FBN3: variants seen among roughly 807,000 people sequenced by gnomAD.
FBN3 encodes fibrillin 3, also known as fibrillin-3.
Under a neutral mutation model 330.1 loss-of-function variants are expected in FBN3, and 234 were observed. The ratio of observed to expected loss-of-function variants is 0.71; its 90% confidence interval spans 0.64 to 0.79. FBN3 has a LOEUF of 0.79. FBN3 is among the 30% of genes least tolerant of loss of function. The pLI, the probability that FBN3 is intolerant of heterozygous loss-of-function variation, is 0.00. For synonymous variants in FBN3, 1,458 were observed against 1,517.3 expected, an observed-to-expected ratio of 0.96 and a Z score of 0.91; for missense variants, 3,606 against 3,886.9, an observed-to-expected ratio of 0.93 and a Z score of 1.92.
chr19:8,120,961 C>T (rs1441158413), intron 25 of FBN3, among the ~76,000 whole-genome samples: 3 of 152,126 alleles, frequency 2.0e-5, no homozygotes, highest in Non-Finnish European at 2.9e-5. Flanking sequence ...GCCTCATAAC[C>T]GGCAGTATTT....
At chr19:8,088,311 G>T (rs1212389142) in intron 51 of FBN3, 132 bp from the exon 52 acceptor site, 2 of 1,126,370 alleles carry the variant, frequency 1.8e-6, no homozygotes, top group Non-Finnish European at 2.5e-6. Flanking sequence ...CTGGCTATGG[G>T]GCAGGCAAGC....
intron 26 of FBN3, 31 bp from the exon 27 acceptor site, chr19:8,117,620 T>G (rs765415173): frequency 1.2e-5 from 18 of 1,503,272 alleles, no homozygotes; most frequent in East Asian, 2.5e-5. Flanking sequence ...AAGACGGGCC[T>G]GTGCCCCATC....
Position 8,123,953 on chromosome 19 carries a change from G to GGT in FBN3, c.2785_2786dup (p.Leu930ProfsTer59), listed in dbSNP as rs773691321. The GGT allele has an allele frequency of 1.2e-6, 2 of 1,614,102 alleles. No homozygotes were observed. The highest frequency in any genetic ancestry group is 1.7e-6 in the Non-Finnish European group (2 of 1,180,040). ...CGTCCATCCGGTACTTGCCAGGCAGGGTGACCCCACACTCATCCTCATCCC... is the reference window on the plus strand; with the variant it reads ...CGTCCATCCGGTACTTGCCAGGCAGGGTGTGACCCCACACTCATCCTCATCCC... On this transcript the variant is annotated frameshift_variant, in exon 23 of 64. Transcript: ENST00000600128. LOFTEE classifies it high-confidence loss of function.
At chr19:8,146,635 C>CAG (rs35157681) in intron 3 of FBN3, among the ~76,000 whole-genome samples, 2 of 150,974 alleles carry the variant, frequency 1.3e-5, no homozygotes, top group South Asian at 4.2e-4. Context: ...CTCAGAGAAA[C>CAG]AGAGAGAGAG....
At chr19:8,118,652 TACAG>T (rs1314064223) in intron 26 of FBN3, among the ~76,000 whole-genome samples, 18 of 152,116 alleles carry the variant, frequency 1.2e-4, no homozygotes, top group South Asian at 6.2e-4. Context: ...CTTGCCCTTG[TACAG>T]ACACTCACAC....
intron 13 of FBN3, 25 bp downstream of exon 13, chr19:8,135,936 G>GGGCGCCCCCCCCC: frequency 1.5e-6 from 1 of 668,778 alleles, no homozygotes. Context: ...GGAAGCCCCT[G>GGGCGCCCCCCCCC]CCCACCCGCC....
In FBN3 at chr19:8,086,285, G is replaced by A. The variant is rs8102892; in HGVS notation, c.6795C>T (p.Asn2265=). The A allele has an allele frequency of 7.4e-3, 11,914 of 1,612,238 alleles. 677 individuals are homozygous for A. In the African/African-American group the frequency reaches 0.13, roughly 18 times the overall value. The change falls in exon 55 of 64, where the codon AAC becomes AAT. Residue 2265 remains asparagine, a synonymous_variant. Transcript: ENST00000600128. ...TGCCCGCGGTGTTGACACAGCGGCCGTTGACACAGAGGTCAGGCTGAGCGT... is the reference window on the plus strand; with the variant it reads ...TGCCCGCGGTGTTGACACAGCGGCCATTGACACAGAGGTCAGGCTGAGCGT... ...ECHAQPDLCV[N]GRCVNTAGSF... is the part of the protein sequence containing the mutation.
chr19:8,136,642 C>T (rs2083288347), intron 10 of FBN3, 111 bp from the exon 11 acceptor site: 9 of 1,422,414 alleles, frequency 6.3e-6, no homozygotes, highest in Non-Finnish European at 8.7e-6. Context: ...TGGGACCCTG[C>T]CCTGGCTCAG....
chr19:8,128,703 G>A (rs146486563), intron 18 of FBN3, among the ~76,000 whole-genome samples: 43 of 152,324 alleles, frequency 2.8e-4, no homozygotes, highest in African/African-American at 1.0e-3. Flanking sequence ...ATGTCTGAAT[G>A]TGTGTCTGTG....
intron 39 of FBN3, among the ~76,000 whole-genome samples, chr19:8,103,329 C>T (rs938738065): frequency 2.7e-5 from 4 of 150,442 alleles, no homozygotes; most frequent in Non-Finnish European, 5.9e-5. Context: ...TCCCCCAACA[C>T]ACTTGGGGGA....
chr19:8,101,659 C>A (rs2082329985), intron 40 of FBN3, among the ~76,000 whole-genome samples: 1 of 152,010 alleles, frequency 6.6e-6, no homozygotes, highest in African/African-American at 2.4e-5. Flanking sequence ...ATTTACCGAC[C>A]CCCTCCCACC....
At chr19:8,091,364 C>A in intron 48 of FBN3, 101 bp downstream of exon 48, 1 of 1,475,230 alleles carries the variant, frequency 6.8e-7, no homozygotes. Flanking sequence ...GGTCAGAGCT[C>A]CCAAAGGGTC....
intron 61 of FBN3, 127 bp downstream of exon 61, chr19:8,074,944 G>GGCTGGC: frequency 7.7e-7 from 1 of 1,304,738 alleles, no homozygotes; most frequent in Non-Finnish European, 1.0e-6. Flanking sequence ...CTACCTTCTG[G>GGCTGGC]GCTGGCCTGT....
intron 13 of FBN3, among the ~76,000 whole-genome samples, chr19:8,134,288 C>A (rs1029428953): frequency 4.6e-5 from 7 of 151,786 alleles, no homozygotes; most frequent in African/African-American, 1.7e-4. Context: ...AATGCCACCA[C>A]AAAAATATGC....
In FBN3 at chr19:8,109,455, A is replaced by G. The variant is rs2082527484; in HGVS notation, c.4457-67T>C. On this transcript the variant is annotated intron_variant, in intron 35 of 63. Transcript: ENST00000600128. The surrounding 1 kb of genome is among the most constrained non-coding windows in gnomAD (Gnocchi z 5.2). ...AAGCTGTATGTGTGCGTGTGCATGC[A>G]TGTGTCTATTTCAACAGGTGACAAG... The G allele has an allele frequency of 6.3e-7, 1 of 1,581,214 alleles. No homozygotes were observed. The highest frequency in any genetic ancestry group is 8.7e-7 in the Non-Finnish European group (1 of 1,154,050).
chr19:8,073,358 C>G, intron 61 of FBN3, 61 bp from the exon 62 acceptor site: 4 of 1,327,448 alleles, frequency 3.0e-6, no homozygotes, highest in Non-Finnish European at 4.2e-6. Flanking sequence ...AGCCTTCACA[C>G]CCCCAGAGCC....
Position 8,065,976 on chromosome 19 carries a change from C to G in FBN3, c.8373G>C (p.Gly2791=). 1.2e-6 allele frequency: 2 copies of G among 1,611,276 alleles called. No homozygotes were observed. Among genetic ancestry groups the G allele is most frequent in the African/African-American group, 1.3e-5 (1 of 75,040 alleles). Reference sequence around the variant, plus strand: ...AGGCCTGGCCCCATGGCCCTGGCTGCCCCTCTGGCTGGACACCCCAGGGTC... The same window carrying G: ...AGGCCTGGCCCCATGGCCCTGGCTGGCCCTCTGGCTGGACACCCCAGGGTC... The part of the protein sequence containing the change: ...MAGPWGVQPE[G]QPGPWGQALR... The change falls in exon 64 of 64, where the codon GGG becomes GGC. Residue 2791 remains glycine (G), a synonymous_variant. Transcript: ENST00000600128.
At chr19:8,095,021 G>A (rs936504052) in intron 46 of FBN3, among the ~76,000 whole-genome samples, 1 of 151,996 alleles carries the variant, frequency 6.6e-6, no homozygotes, top group Admixed American at 6.6e-5. Context: ...TGCCCAGGCT[G>A]GATGCGGTGG....
At chr19:8,082,207 G>A (rs1196391398) in intron 57 of FBN3, among the ~76,000 whole-genome samples, 2 of 151,854 alleles carry the variant, frequency 1.3e-5, no homozygotes, top group Non-Finnish European at 2.9e-5. Flanking sequence ...GGCCTCAAGT[G>A]ATCCTTCTGC....
Sources: allele counts gnomAD v4.1 joint callset (sites outside exome capture counted in the v4.1 genomes callset), GRCh38; gene constraint gnomAD v4.1.1; non-coding constraint Gnocchi (gnomAD v3.1); transcripts MANE v1.5; gene names NCBI Gene and HGNC (gene_info 2026-07-23, HGNC 2026-07-21).